The following ABR variants were observed in gnomAD, a reference collection of about 807,000 sequenced individuals.
ABR encodes the protein active breakpoint cluster region-related protein.
In ABR, 35 loss-of-function variants were observed where a neutral mutation model predicts 107.2. The observed-to-expected ratio is 0.33, with a 90% CI of 0.25 to 0.43. The LOEUF (loss-of-function observed/expected upper bound fraction) is 0.43. Among genes scored for constraint, ABR ranks in the 20% least tolerant of loss-of-function variants. The pLI, the probability that ABR is intolerant of heterozygous loss-of-function variation, is 1.00. For missense variants in ABR, 815 were observed against 1,115.2 expected (o/e 0.73, Z 3.83); for synonymous variants, 498 against 462.0 (o/e 1.08, Z -1.00).
intron 1 of ABR, among the ~76,000 whole-genome samples, chr17:1,206,861 G>A (rs1404855088): frequency 6.6e-6 from 1 of 152,172 alleles, no homozygotes; most frequent in Admixed American, 6.5e-5. Flanking sequence ...AAGGTGGGTG[G>A]ATCACCTGAG....
chr17:1,038,348 C>T (rs975871281), intron 16 of ABR, among the ~76,000 whole-genome samples: 3 of 152,224 alleles, frequency 2.0e-5, no homozygotes, highest in African/African-American at 7.2e-5. Context: ...CTGGGTCAGA[C>T]GCTGAACCTG....
At chr17:1,016,666 C>T (rs555376682) in intron 16 of ABR, among the ~76,000 whole-genome samples, 56 of 152,118 alleles carry the variant, frequency 3.7e-4, no homozygotes, top group Middle Eastern at 3.4e-3. Flanking sequence ...AGGAGGTCTG[C>T]GCACCCCGGG....
chr17:1,197,079 C>T (rs2042584873), intron 1 of ABR, among the ~76,000 whole-genome samples: 1 of 151,572 alleles, frequency 6.6e-6, no homozygotes, highest in Non-Finnish European at 1.5e-5. Flanking sequence ...TGCAGTGCCT[C>T]CTGGACAGAC....
intron 1 of ABR, among the ~76,000 whole-genome samples, chr17:1,135,377 CTTT>C (rs71148437): frequency 9.7e-5 from 5 of 51,380 alleles, no homozygotes; most frequent in Non-Finnish European, 1.2e-4. Flanking sequence ...TTCTTTTTGT[CTTT>C]TTTTTTTTTT....
intron 16 of ABR, among the ~76,000 whole-genome samples, chr17:1,018,690 G>A (rs142676429): frequency 9.9e-5 from 15 of 152,246 alleles, no homozygotes; most frequent in Non-Finnish European, 1.8e-4. Context: ...TTTCACCTCC[G>A]TGAACTTCAA....
At chr17:1,057,716 A>G in intron 12 of ABR, 3 of 458,146 alleles carry the variant, frequency 6.5e-6, no homozygotes, top group Non-Finnish European at 1.2e-5. Context: ...AGAGAGAGAG[A>G]GGTAGAGAGA....
rs1456502413 is a variant in ABR at position 1,078,883 on chromosome 17, G to A, written c.700+447C>T. The A allele has an allele frequency of 2.0e-6, 3 of 1,535,442 alleles. No homozygotes were observed. The highest frequency in any genetic ancestry group is 1.2e-5 in the South Asian group (1 of 84,056). ...ATGGCAGCCTCTGTCCCCGCGGCGG[G>A]AGCGTGCAGCCATCGCTCCAGGCTC... On this transcript the variant is annotated intron_variant, in intron 6 of 22. Coordinates refer to ENST00000302538, the MANE Select transcript of ABR (RefSeq NM_021962.5). This position sits in a 1 kb window ranked among gnomAD's most constrained non-coding sequence, Gnocchi z 7.5.
chr17:1,177,237 A>C (rs1186126874), intron 1 of ABR, among the ~76,000 whole-genome samples: 1 of 152,218 alleles, frequency 6.6e-6, no homozygotes, highest in Admixed American at 6.5e-5. Context: ...TGTCAAGAGG[A>C]AAGTTGATGG....
At chr17:1,028,784 C>CCAG (rs2072456120) in intron 16 of ABR, among the ~76,000 whole-genome samples, 2 of 152,224 alleles carry the variant, frequency 1.3e-5, no homozygotes, top group Admixed American at 1.3e-4. Flanking sequence ...GTCCCCACCG[C>CCAG]CGGCCAGCAT....
chr17:1,108,850 C>T (rs564161594), intron 2 of ABR: 14 of 1,437,708 alleles, frequency 9.7e-6, no homozygotes, highest in African/African-American at 6.0e-5. Context: ...GCGCGCTCTG[C>T]GCCCGCATCA....
Position 1,010,585 on chromosome 17 carries a change from A to G in ABR, c.2236+144T>C. The stretch of plus-strand genomic sequence containing the variant: ...CCAGCAGGCCACACCTCACCCTCGG[A>G]CCCCTCAGCCACAGGCCCCAGTGCA... On this transcript the variant is annotated intron_variant, in intron 20 of 22. Coordinates refer to ENST00000302538, the MANE Select transcript of ABR (RefSeq NM_021962.5). This position sits in a 1 kb window ranked among gnomAD's most constrained non-coding sequence, Gnocchi z 4.1. 8.8e-7 allele frequency: 1 copy of G among 1,134,368 alleles called. No homozygotes were observed. Among genetic ancestry groups the G allele is most frequent in the Non-Finnish European group, 1.2e-6 (1 of 809,328 alleles). The allele number at this position is 1,134,368 out of a possible 1,614,324, so 70.3% of individuals were successfully genotyped here.
At chr17:1,224,943 A>G (rs143870510) in intron 1 of ABR, among the ~76,000 whole-genome samples, 23,245 of 151,830 alleles carry the variant, frequency 0.15, 2,765 homozygotes, top group African/African-American at 0.33. Flanking sequence ...AAGTCAGGAG[A>G]TCGAGATCAT....
chr17:1,194,722 C>T lies in ABR; in HGVS notation c.838+34071G>A, dbSNP rs553681492. Among the ~76,000 whole-genome samples the T allele has an allele frequency of 1.3e-3, 163 of 121,750 alleles. 19 individuals are homozygous for T. Among genetic ancestry groups the T allele is most frequent in the African/African-American group, 4.2e-3 (152 of 36,124 alleles). The allele number at this position is 121,750 out of a possible 152,430, so 79.9% of individuals were successfully genotyped here. On this transcript the variant is annotated intron_variant, in intron 1 of 22. Coordinates refer to the ABR transcript ENST00000574139. ...AGGCTGGAGTGCAGTGGTGCGGTCT[C>T]AGCTCACTGCAACCTCCACCTCCCG...
rs2070481668 is a variant in ABR at position 1,010,921 on chromosome 17, C to G, written c.2102-58G>C. The G allele has an allele frequency of 6.2e-7, 1 of 1,601,838 alleles. No homozygotes were observed. The highest frequency in any genetic ancestry group is 1.7e-5 in the Admixed American group (1 of 59,812). ...AGCTGGGCCAGCAGCCCCGTTCCAC[C>G]CCCGACCCATCCTGACACAGCCCCC... On this transcript the variant is annotated intron_variant, in intron 19 of 22. Coordinates refer to ENST00000302538, the MANE Select transcript of ABR (RefSeq NM_021962.5). The surrounding 1 kb of genome is among the most constrained non-coding windows in gnomAD (Gnocchi z 4.1).
chr17:1,113,037 C>A (rs1178114816), intron 2 of ABR, among the ~76,000 whole-genome samples: 1 of 152,040 alleles, frequency 6.6e-6, no homozygotes. Context: ...AATCAGCAAG[C>A]ATTTGTTAGC....
intron 1 of ABR, among the ~76,000 whole-genome samples, chr17:1,198,711 C>T (rs2042615373): frequency 6.6e-6 from 1 of 150,804 alleles, no homozygotes; most frequent in South Asian, 2.1e-4. Context: ...TCTCGGCTCA[C>T]TGCAAGCTCC....
In ABR at chr17:1,040,685, G is replaced by A. The variant is rs898415316; in HGVS notation, c.1791+9365C>T. ...GGTGGGGGACAGGGTGCCTGAACCC[G>A]CCAGCTTAGGGCAAACCACGTACTG... On this transcript the variant is annotated intron_variant, in intron 16 of 22. Transcript: ENST00000302538. 4.6e-5 allele frequency among the ~76,000 whole-genome samples: 7 copies of A among 152,324 alleles called. No homozygotes were observed. The East Asian group carries it at 5.8e-4, about 13-fold the overall frequency.
Position 1,091,713 on chromosome 17 carries a change from C to T in ABR, c.483G>A (p.Val161=). 1 of 1,614,154 alleles carries T rather than the reference C, an allele frequency of 6.2e-7. No homozygotes were observed. Among genetic ancestry groups the T allele is most frequent in the Non-Finnish European group, 8.5e-7 (1 of 1,180,014 alleles). ...TGGTGACCTGGCTGTCCCACTGTTGCACCTTGGGGCACAGGTTGTCATAGA... is the reference window on the plus strand; with the variant it reads ...TGGTGACCTGGCTGTCCCACTGTTGTACCTTGGGGCACAGGTTGTCATAGA... ...KEFYDNLCPK[V]QQWDSQVTMG... Residue 161 remains valine, a synonymous_variant, in exon 4 of 23, where the codon GTG becomes GTA. Coordinates refer to ENST00000302538, the MANE Select transcript of ABR (RefSeq NM_021962.5).
intron 1 of ABR, among the ~76,000 whole-genome samples, chr17:1,212,474 G>A (rs911475933): frequency 6.6e-6 from 1 of 151,986 alleles, no homozygotes; most frequent in Admixed American, 6.6e-5. Flanking sequence ...AAAAAGAGAC[G>A]CCAGGCACAG....
Sources: gnomAD v4.1 joint callset for allele counts (sites outside exome capture counted in the v4.1 genomes callset) on GRCh38, gnomAD v4.1.1 for gene constraint, Gnocchi (gnomAD v3.1) non-coding constraint, MANE v1.5 for transcripts, NCBI Gene and HGNC (gene_info 2026-07-23, HGNC 2026-07-21) for gene names.